Variants in TDRD12 observed in about 807,000 individuals in gnomAD.
TDRD12 encodes the protein tudor domain containing 12.
In TDRD12, 158 loss-of-function variants were observed where a neutral mutation model predicts 133.5. The ratio of observed to expected loss-of-function variants is 1.18; its 90% CI spans 1.04 to 1.35. The LOEUF (loss-of-function observed/expected upper bound fraction) is 1.35. Ranked by LOEUF, TDRD12 falls within the 40% of genes most tolerant of loss-of-function variation. The pLI, the probability that TDRD12 is intolerant of heterozygous loss-of-function variation, is 0.00. For missense variants in TDRD12, 1,443 were observed against 1,321.3 expected (o/e 1.09, Z -1.43); for synonymous variants, 460 against 477.9 (o/e 0.96, Z 0.49).
intron 1 of TDRD12, among the ~76,000 whole-genome samples, chr19:32,722,869 G>A (rs975413349): frequency 3.3e-5 from 5 of 151,642 alleles, no homozygotes; most frequent in African/African-American, 1.2e-4. Context: ...TGGTAGAGAC[G>A]GGGTTTCAGC....
At chr19:32,743,460 C>T (rs1969496534) in intron 4 of TDRD12, among the ~76,000 whole-genome samples, 1 of 151,720 alleles carries the variant, frequency 6.6e-6, no homozygotes, top group Admixed American at 6.6e-5. Context: ...CTTGCCCAGG[C>T]TAGTTTCAAA....
At chr19:32,825,380 G>A (rs946732592), downstream of TDRD12, among the ~76,000 whole-genome samples, 16 of 152,176 alleles carry the variant, frequency 1.1e-4, no homozygotes, top group African/African-American at 3.4e-4. This position sits in a 1 kb window ranked among gnomAD's most constrained non-coding sequence, Gnocchi z 4.1. Context: ...TTCACATTGC[G>A]TTGTTTGAGA....
intron 2 of TDRD12, among the ~76,000 whole-genome samples, chr19:32,736,182 T>A (rs1969218019): frequency 6.6e-6 from 1 of 152,210 alleles, no homozygotes; most frequent in Non-Finnish European, 1.5e-5. Flanking sequence ...ACAGCACATC[T>A]GTTCACGCAT....
intron 14 of TDRD12, among the ~76,000 whole-genome samples, chr19:32,797,346 G>T (rs1971261139): frequency 6.6e-6 from 1 of 152,120 alleles, no homozygotes; most frequent in Non-Finnish European, 1.5e-5. Flanking sequence ...TAGGATCTGT[G>T]CAGGGGATGT....
At chr19:32,815,551 T>C (rs186770108) in exon 26 of TDRD12, 7 of 1,536,358 alleles carry the variant, frequency 4.6e-6, no homozygotes, top group South Asian at 1.2e-5. Context: ...CCAGAACACA[T>C]AGAACAACTG....
chr19:32,762,161 T>C (rs1970169338), intron 8 of TDRD12, among the ~76,000 whole-genome samples: 1 of 152,228 alleles, frequency 6.6e-6, no homozygotes, highest in African/African-American at 2.4e-5. Flanking sequence ...CTTGACAATA[T>C]CTTTCACAGA....
chr19:32,809,352 C>T (rs1966919655), intron 22 of TDRD12, among the ~76,000 whole-genome samples: 1 of 152,192 alleles, frequency 6.6e-6, no homozygotes, highest in Non-Finnish European at 1.5e-5. Flanking sequence ...CCTCTTGCCT[C>T]TTCTAGAGCT....
exon 10 of TDRD12, chr19:32,827,612 TC>T (rs1293376595): frequency 2.6e-5 from 4 of 154,030 alleles, no homozygotes; most frequent in African/African-American, 9.6e-5. Flanking sequence ...ACTCCTGACC[TC>T]AGGTAATCCT....
At chr19:32,726,937 C>T (rs942534467) in intron 1 of TDRD12, among the ~76,000 whole-genome samples, 5 of 149,084 alleles carry the variant, frequency 3.4e-5, no homozygotes, top group Non-Finnish European at 6.0e-5. Context: ...TTTCAATTCT[C>T]GTGGATCTAC....
At chr19:32,794,568 A>G (rs556943937) in intron 13 of TDRD12, 60 bp from the exon 14 acceptor site, 12 of 680,722 alleles carry the variant, frequency 1.8e-5, no homozygotes, top group African/African-American at 8.9e-5. Flanking sequence ...GAGCCATGCA[A>G]TGGAGTTTTT....
At chr19:32,729,222 T>G (rs1246107702) in intron 1 of TDRD12, among the ~76,000 whole-genome samples, 8 of 139,472 alleles carry the variant, frequency 5.7e-5, no homozygotes, top group Admixed American at 4.5e-4. Context: ...TTTTTTTTTG[T>G]TTTTTTTTTT....
intron 21 of TDRD12, among the ~76,000 whole-genome samples, chr19:32,807,077 C>T (rs900466553): frequency 2.0e-5 from 3 of 151,936 alleles, no homozygotes; most frequent in African/African-American, 7.3e-5. Context: ...TGTATTATGG[C>T]AATGTATTTC....
chr19:32,804,163 C>G (rs1399298043), intron 21 of TDRD12, among the ~76,000 whole-genome samples: 3 of 151,864 alleles, frequency 2.0e-5, no homozygotes, highest in African/African-American at 7.2e-5. Flanking sequence ...AGCTCCACCT[C>G]CCAGGTTCAC....
chr19:32,764,491 T>C (rs977047812), intron 8 of TDRD12, among the ~76,000 whole-genome samples: 2 of 152,200 alleles, frequency 1.3e-5, no homozygotes, highest in African/African-American at 4.8e-5. Flanking sequence ...TTGAATCTTT[T>C]AATATCTATT....
intron 10 of TDRD12, 68 bp from the exon 11 acceptor site, chr19:32,777,081 T>G (rs1970604577): frequency 1.0e-6 from 1 of 977,758 alleles, no homozygotes; most frequent in African/African-American, 1.7e-5. Context: ...TTTGTCGAGA[T>G]GGGGACTCAC....
intron 4 of TDRD12, among the ~76,000 whole-genome samples, chr19:32,746,300 G>T (rs200388051): frequency 6.7e-6 from 1 of 148,408 alleles, no homozygotes; most frequent in East Asian, 2.0e-4. Flanking sequence ...TTCTGTGTGT[G>T]ACAGAGGGGG....
chr19:32,813,074 G>T (rs1248990738), intron 24 of TDRD12, among the ~76,000 whole-genome samples: 1 of 152,146 alleles, frequency 6.6e-6, no homozygotes, highest in Non-Finnish European at 1.5e-5. Flanking sequence ...TACTGGGGAG[G>T]CTGAGTAAGG....
chr19:32,785,074 G>A (rs1970868698), intron 11 of TDRD12, among the ~76,000 whole-genome samples: 1 of 152,190 alleles, frequency 6.6e-6, no homozygotes, highest in Non-Finnish European at 1.5e-5. Flanking sequence ...TAATTGTGAT[G>A]TTAGGGTGTC....
intron 22 of TDRD12, among the ~76,000 whole-genome samples, chr19:32,809,583 C>T (rs890296074): frequency 4.6e-5 from 7 of 152,236 alleles, no homozygotes; most frequent in Non-Finnish European, 1.0e-4. Flanking sequence ...CCCCTGCCTA[C>T]TCTAACCTGT....
Sources: allele counts gnomAD v4.1 joint callset (sites outside exome capture counted in the v4.1 genomes callset), GRCh38; gene constraint gnomAD v4.1.1; non-coding constraint Gnocchi (gnomAD v3.1); transcripts MANE v1.5; gene names NCBI Gene and HGNC (gene_info 2026-07-23, HGNC 2026-07-21).